The following CCNY variants were observed in gnomAD, a reference collection of about 807,000 sequenced individuals.
CCNY encodes cyclin Y, also known as cyclin-Y.
Under a neutral mutation model 42.8 loss-of-function variants are expected in CCNY, and 19 were observed. The ratio of observed to expected loss-of-function variants is 0.44; its 90% CI spans 0.31 to 0.65. CCNY has a LOEUF of 0.65. Ranked by LOEUF, CCNY falls within the 30% of genes least tolerant of loss-of-function variation. The pLI is 0.07. For missense variants in CCNY, 370 were observed against 437.3 expected, an observed-to-expected ratio of 0.85 and a Z score of 1.37; for synonymous variants, 165 against 162.7, an observed-to-expected ratio of 1.01 and a Z score of -0.11.
In CCNY at chr10:35,401,416, C is replaced by A. The variant is rs549227213; in HGVS notation, c.154+64209C>A. Among the ~76,000 whole-genome samples the A allele has an allele frequency of 4.6e-5, 7 of 152,310 alleles. No individual in the cohort carries two copies. In the East Asian group the frequency reaches 1.3e-3, roughly 29 times the overall value. ...TCACAAAACACTTTGCCGTCCAGTT[C>A]TGATTATCTGCCAGTTTCCTTCTTA... On this transcript the variant is annotated intron_variant, in intron 1 of 9. Transcript: ENST00000374704.
intron 8 of CCNY, among the ~76,000 whole-genome samples, chr10:35,559,682 G>A (rs961403619): frequency 6.6e-6 from 1 of 152,326 alleles, no homozygotes; most frequent in South Asian, 2.1e-4. Context: ...CAAGGCTGTC[G>A]TACTCTGGCA....
At chr10:35,469,943 G>A (rs922442716) in intron 1 of CCNY, among the ~76,000 whole-genome samples, 1 of 146,652 alleles carries the variant, frequency 6.8e-6, no homozygotes, top group Admixed American at 6.8e-5. Flanking sequence ...GCAATGGAGA[G>A]ACAGACAGGG....
intron 3 of CCNY, among the ~76,000 whole-genome samples, chr10:35,301,728 C>T (rs1192482274): frequency 6.6e-6 from 1 of 152,058 alleles, no homozygotes; most frequent in African/African-American, 2.4e-5. Flanking sequence ...TCCCTGGGCG[C>T]AAGTGATCCT....
At chr10:35,381,163 T>A (rs1472143100) in intron 1 of CCNY, among the ~76,000 whole-genome samples, 2 of 152,236 alleles carry the variant, frequency 1.3e-5, no homozygotes, top group Non-Finnish European at 1.5e-5. Flanking sequence ...GTGATATTCT[T>A]TCCCCCAAAA....
At chr10:35,549,116 C>T (rs1490298983) in intron 7 of CCNY, among the ~76,000 whole-genome samples, 1 of 148,662 alleles carries the variant, frequency 6.7e-6, no homozygotes, top group African/African-American at 2.5e-5. Flanking sequence ...CCCCCCCGCC[C>T]CTCATCATGC....
chr10:35,469,873 GAGAT>G (rs1277825976), intron 1 of CCNY, among the ~76,000 whole-genome samples: 13 of 150,118 alleles, frequency 8.7e-5, no homozygotes, highest in Non-Finnish European at 1.2e-4. Context: ...GAGAGACAGG[GAGAT>G]AGATAGGGCA....
At chr10:35,528,335 G>C (rs1290054810) in intron 5 of CCNY, among the ~76,000 whole-genome samples, 3 of 152,220 alleles carry the variant, frequency 2.0e-5, no homozygotes, top group Non-Finnish European at 4.4e-5. Context: ...CGCTTGGGTT[G>C]ATCTGTGTCT....
chr10:35,343,951 A>G (rs1409982090), intron 1 of CCNY, among the ~76,000 whole-genome samples: 2 of 152,196 alleles, frequency 1.3e-5, no homozygotes, highest in African/African-American at 2.4e-5. Context: ...GAATCCTTTC[A>G]TGATTCAACA....
At chr10:35,408,564 A>C (rs978039470) in intron 1 of CCNY, among the ~76,000 whole-genome samples, 1 of 151,308 alleles carries the variant, frequency 6.6e-6, no homozygotes, top group African/African-American at 2.4e-5. Flanking sequence ...AACCTTCTTA[A>C]GGGTGGGGGA....
At chr10:35,443,851 C>G (rs1405686760) in intron 1 of CCNY, among the ~76,000 whole-genome samples, 1 of 152,076 alleles carries the variant, frequency 6.6e-6, no homozygotes, top group Non-Finnish European at 1.5e-5. Flanking sequence ...TCCTCCTTTC[C>G]TTTGTTCTCC....
chr10:35,440,788 T>C (rs1038932007), intron 1 of CCNY, among the ~76,000 whole-genome samples: 2 of 152,216 alleles, frequency 1.3e-5, no homozygotes, highest in African/African-American at 4.8e-5. Flanking sequence ...TCCCTGCTTA[T>C]CTTTACTTCT....
intron 3 of CCNY, among the ~76,000 whole-genome samples, chr10:35,267,918 T>G (rs1471865505): frequency 6.6e-6 from 1 of 152,124 alleles, no homozygotes; most frequent in Non-Finnish European, 1.5e-5. Context: ...ATACTTCAGT[T>G]CTTATCTTCT....
At chr10:35,331,879 T>A (rs1387705689), upstream of CCNY, among the ~76,000 whole-genome samples, 3 of 152,226 alleles carry the variant, frequency 2.0e-5, no homozygotes, top group East Asian at 5.8e-4. Flanking sequence ...CTGTAATCAC[T>A]CTCATTGCTG....
At chr10:35,264,076 A>G (rs894646826) in intron 3 of CCNY, among the ~76,000 whole-genome samples, 3 of 152,176 alleles carry the variant, frequency 2.0e-5, no homozygotes. Flanking sequence ...TATCCAGTCT[A>G]TCACTGATGG....
upstream of CCNY, among the ~76,000 whole-genome samples, chr10:35,332,779 T>C (rs932433847): frequency 3.9e-5 from 6 of 152,144 alleles, no homozygotes; most frequent in Non-Finnish European, 8.8e-5. Context: ...TAATTTTTTG[T>C]ATTTTTAATA....
chr10:35,275,155 C>T (rs939946635), intron 3 of CCNY, among the ~76,000 whole-genome samples: 2 of 149,438 alleles, frequency 1.3e-5, no homozygotes, highest in Non-Finnish European at 3.0e-5. Flanking sequence ...TCTCAGCCTC[C>T]TGGGTTCAAG....
chr10:35,554,425 A>G (rs1465493313), intron 8 of CCNY, among the ~76,000 whole-genome samples: 2 of 152,246 alleles, frequency 1.3e-5, no homozygotes, highest in African/African-American at 4.8e-5. Context: ...AATCAGAACT[A>G]TATAGTAAGA....
At chr10:35,331,872 T>A (rs1589039376), upstream of CCNY, among the ~76,000 whole-genome samples, 1 of 152,244 alleles carries the variant, frequency 6.6e-6, no homozygotes, top group Admixed American at 6.5e-5. Flanking sequence ...TCAGTGGCTG[T>A]AATCACTCTC....
chr10:35,406,799 G>A (rs1837784776), intron 1 of CCNY, among the ~76,000 whole-genome samples: 1 of 152,044 alleles, frequency 6.6e-6, no homozygotes, highest in African/African-American at 2.4e-5. Context: ...CTTCCCAGTA[G>A]GGGCGGCCAG....
Sources: allele counts gnomAD v4.1 joint callset (sites outside exome capture counted in the v4.1 genomes callset), GRCh38; gene constraint gnomAD v4.1.1; transcripts MANE v1.5; gene names NCBI Gene and HGNC (gene_info 2026-07-23, HGNC 2026-07-21).